ADARB2: variants seen among roughly 807,000 people sequenced by gnomAD.
ADARB2 encodes the protein adenosine deaminase RNA specific B2 (inactive), also known as inactive double-stranded RNA-specific editase B2.
In ADARB2, 25 loss-of-function variants were observed where a neutral mutation model predicts 62.2. That is an observed-to-expected ratio of 0.40 (90% CI 0.29 to 0.56). The LOEUF is 0.56. Ranked by LOEUF, ADARB2 falls within the 20% of genes least tolerant of loss-of-function variation. The pLI is 0.43. For synonymous variants in ADARB2, 572 were observed against 500.8 expected, an observed-to-expected ratio of 1.14 and a Z score of -1.90; for missense variants, 1,071 against 1,077.4, an observed-to-expected ratio of 0.99 and a Z score of 0.08.
chr10:1,557,255 T>C lies in ADARB2; in HGVS notation c.101-178095A>G, dbSNP rs528122595. Among the ~76,000 whole-genome samples the C allele has an allele frequency of 3.4e-3, 509 of 151,744 alleles. 3 individuals carry two copies. Among genetic ancestry groups the C allele is most frequent in the Admixed American group, 6.0e-3 (92 of 15,244 alleles). ...AGCCACCACCTCGTCTGACTCCCCG[T>C]CCTCCCCTTGGTGCTGGGCTCCTGC... On this transcript the variant is annotated intron_variant, in intron 1 of 9. Coordinates refer to ENST00000381312, the MANE Select transcript of ADARB2 (RefSeq NM_018702.4).
chr10:1,676,677 T>C (rs1293986686), intron 1 of ADARB2, among the ~76,000 whole-genome samples: 2 of 152,178 alleles, frequency 1.3e-5, no homozygotes, highest in Non-Finnish European at 2.9e-5. Flanking sequence ...ATCTCAATTG[T>C]TTAGAAGTTT....
rs73580348 is a variant in ADARB2, at chr10:1,477,039, A to C, written c.101-97879T>G. The stretch of plus-strand genomic sequence containing the variant: ...TCATGATGACTCTCCCCAGATCCCC[A>C]CCTGGCCTACGATCCAACCCCTAGA... On this transcript the variant is annotated intron_variant, in intron 1 of 9. Transcript: ENST00000381312. The surrounding 1 kb of genome is among the most constrained non-coding windows in gnomAD (Gnocchi z 4.5). Among the ~76,000 whole-genome samples, 1,589 of 152,028 alleles carry C rather than the reference A, an allele frequency of 0.01. 34 individuals are homozygous for C. Among genetic ancestry groups the C allele is most frequent in the African/African-American group, 0.037 (1,528 of 41,464 alleles).
chr10:1,302,527 C>T (rs2131818195), intron 3 of ADARB2, among the ~76,000 whole-genome samples: 1 of 152,332 alleles, frequency 6.6e-6, no homozygotes, highest in South Asian at 2.1e-4. Context: ...GAGCCCACCA[C>T]AGCTCAAGGA....
At chr10:1,626,617 C>T (rs1035685277) in intron 1 of ADARB2, among the ~76,000 whole-genome samples, 12 of 152,092 alleles carry the variant, frequency 7.9e-5, no homozygotes, top group South Asian at 2.1e-4. Context: ...ACTCCCACGA[C>T]GGCCTGTCCT....
chr10:1,536,519 C>T (rs1832335152), intron 1 of ADARB2, among the ~76,000 whole-genome samples: 1 of 152,218 alleles, frequency 6.6e-6, no homozygotes, highest in South Asian at 2.1e-4. Context: ...AGGTCTGCAC[C>T]TGCGTCTCCA....
chr10:1,584,348 G>A (rs1280835927), intron 1 of ADARB2, among the ~76,000 whole-genome samples: 5 of 122,260 alleles, frequency 4.1e-5, no homozygotes, highest in African/African-American at 1.1e-4. Context: ...AAGTCGCCCC[G>A]TATCATATGT....
chr10:1,474,156 C>A (rs1244414551), intron 1 of ADARB2, among the ~76,000 whole-genome samples: 1 of 152,096 alleles, frequency 6.6e-6, no homozygotes, highest in African/African-American at 2.4e-5. Flanking sequence ...ATGGCCTTCG[C>A]GTGTATCTCA....
chr10:1,633,020 C>T (rs932742121), intron 1 of ADARB2, among the ~76,000 whole-genome samples: 1 of 152,168 alleles, frequency 6.6e-6, no homozygotes, highest in Non-Finnish European at 1.5e-5. Flanking sequence ...GGTGGATCGC[C>T]TCTGCTGGAG....
At chr10:1,709,479 G>A (rs935861771) in intron 1 of ADARB2, among the ~76,000 whole-genome samples, 5 of 152,208 alleles carry the variant, frequency 3.3e-5, no homozygotes, top group South Asian at 2.1e-4. Flanking sequence ...CAAGGTTTGT[G>A]CAATGTTTGT....
At chr10:1,416,205 T>TCA (rs1053483210) in intron 1 of ADARB2, among the ~76,000 whole-genome samples, 1 of 152,120 alleles carries the variant, frequency 6.6e-6, no homozygotes, top group African/African-American at 2.4e-5. Flanking sequence ...AAACACTTAT[T>TCA]CACACACACA....
At chr10:1,223,063 C>T (rs566075643) in intron 6 of ADARB2, among the ~76,000 whole-genome samples, 33 of 152,290 alleles carry the variant, frequency 2.2e-4, no homozygotes, top group Admixed American at 3.9e-4. Context: ...TATTGTTCTT[C>T]GATTTGTTTG....
At chr10:1,711,407 G>C (rs1470207724) in intron 1 of ADARB2, among the ~76,000 whole-genome samples, 2 of 152,198 alleles carry the variant, frequency 1.3e-5, no homozygotes, top group Non-Finnish European at 2.9e-5. Flanking sequence ...CCCTGGCGGA[G>C]ACCAGCATGG....
intron 1 of ADARB2, among the ~76,000 whole-genome samples, chr10:1,718,529 T>G (rs550989117): frequency 1.3e-3 from 194 of 152,350 alleles, no homozygotes; most frequent in African/African-American, 4.0e-3. Context: ...CGAGTCTCTC[T>G]GCAAATGCTG....
intron 1 of ADARB2, among the ~76,000 whole-genome samples, chr10:1,524,662 C>T (rs1439776936): frequency 6.6e-6 from 1 of 152,202 alleles, no homozygotes; most frequent in African/African-American, 2.4e-5. Flanking sequence ...CTTTCCTCAT[C>T]TCCACCTTTG....
At chr10:1,569,018 G>A (rs1332531483) in intron 1 of ADARB2, among the ~76,000 whole-genome samples, 2 of 152,116 alleles carry the variant, frequency 1.3e-5, no homozygotes, top group African/African-American at 4.8e-5. Flanking sequence ...GAGACACAGA[G>A]AGACAGAGAC....
At chr10:1,472,325 T>A (rs1369113957) in intron 1 of ADARB2, among the ~76,000 whole-genome samples, 1 of 152,068 alleles carries the variant, frequency 6.6e-6, no homozygotes, top group Non-Finnish European at 1.5e-5. Flanking sequence ...CCAAGGGCCA[T>A]GCGGCTCAGG....
intron 1 of ADARB2, among the ~76,000 whole-genome samples, chr10:1,496,221 TCATCATCATTGTCATTATCAC>T (rs1194890920): frequency 5.9e-5 from 9 of 151,872 alleles, no homozygotes; most frequent in Admixed American, 2.0e-4. Flanking sequence ...ATCATCACTA[TCATCATCATTGTCATTATCAC>T]CATCATCATT....
At chr10:1,381,329 T>C (rs1171574213) in intron 1 of ADARB2, among the ~76,000 whole-genome samples, 1 of 152,212 alleles carries the variant, frequency 6.6e-6, no homozygotes. Flanking sequence ...TCACTAATCA[T>C]TAGGGAAGTG....
chr10:1,425,312 C>A (rs144262844), intron 1 of ADARB2, among the ~76,000 whole-genome samples: 1 of 152,182 alleles, frequency 6.6e-6, no homozygotes, highest in Non-Finnish European at 1.5e-5. Flanking sequence ...GGATACTTTA[C>A]GCTGAATGGC....
Sources: gnomAD v4.1 joint callset for allele counts (sites outside exome capture counted in the v4.1 genomes callset) on GRCh38, gnomAD v4.1.1 for gene constraint, Gnocchi (gnomAD v3.1) non-coding constraint, MANE v1.5 for transcripts, NCBI Gene and HGNC (gene_info 2026-07-23, HGNC 2026-07-21) for gene names.